Variants in THSD7B observed in about 807,000 individuals in gnomAD.
The protein encoded by THSD7B is thrombospondin type-1 domain-containing protein 7B.
Under a neutral mutation model 213.6 loss-of-function variants are expected in THSD7B, and 138 were observed. That is an observed-to-expected ratio of 0.65 (90% CI 0.56 to 0.74). The LOEUF (loss-of-function observed/expected upper bound fraction) is 0.74. THSD7B is among the 30% of genes least tolerant of loss of function. The pLI is 0.00. For synonymous variants in THSD7B, 742 were observed against 687.0 expected, an observed-to-expected ratio of 1.08 and a Z score of -1.25; for missense variants, 1,931 against 1,991.5, an observed-to-expected ratio of 0.97 and a Z score of 0.58.
chr2:137,170,655 A>G (rs1428406974), intron 6 of THSD7B, 86 bp from the exon 7 acceptor site: 61 of 1,378,314 alleles, frequency 4.4e-5, no homozygotes, highest in Non-Finnish European at 5.9e-5. Flanking sequence ...ACTTGAATAA[A>G]ACTTTTCATC....
In THSD7B at chr2:137,166,831, AGTT is replaced by A. The variant is rs780404430; in HGVS notation, c.1526-3906_1526-3904del. ...TCATAGATAGGAAATGCTAAGAGAT[AGTT>A]GTTTCTTTTTTCTGTGTCTATGTGT... is the stretch of plus-strand genomic sequence containing the variant. On this transcript the variant is annotated intron_variant, in intron 6 of 27. Coordinates refer to ENST00000409968, the MANE Select transcript of THSD7B (RefSeq NM_001316349.2). Among the ~76,000 whole-genome samples the A allele has an allele frequency of 3.9e-5, 6 of 152,238 alleles. No individual in the cohort carries two copies. In the East Asian group the frequency reaches 7.7e-4, roughly 20 times the overall value.
chr2:137,218,244 C>CT (rs1167641095), intron 7 of THSD7B, among the ~76,000 whole-genome samples: 2 of 152,020 alleles, frequency 1.3e-5, no homozygotes, highest in African/African-American at 2.4e-5. Context: ...TATTCTTCAT[C>CT]TTTTTTTACT....
In THSD7B at chr2:137,038,607, A is replaced by G. The variant is rs999219184; in HGVS notation, c.140-17813A>G. Among the ~76,000 whole-genome samples, 7 of 152,320 alleles carry G rather than the reference A, an allele frequency of 4.6e-5. No individual in the cohort carries two copies. The East Asian group carries it at 1.3e-3, about 29-fold the overall frequency. On this transcript the variant is annotated intron_variant, in intron 2 of 27. Coordinates refer to ENST00000409968, the MANE Select transcript of THSD7B (RefSeq NM_001316349.2). ...TTTCTAAGTTGTGTTTCTGTGGGGA[A>G]GATAAGATTAATCATTTTTTAAGGA...
chr2:137,160,515 G>A, intron 6 of THSD7B, 147 bp downstream of exon 6: 2 of 1,061,090 alleles, frequency 1.9e-6, no homozygotes, highest in Non-Finnish European at 2.6e-6. Context: ...TTCAGTTTTA[G>A]GGAGGCAACT....
chr2:136,818,433 A>G (rs1374047880), intron 1 of THSD7B, among the ~76,000 whole-genome samples: 1 of 150,798 alleles, frequency 6.6e-6, no homozygotes, highest in African/African-American at 2.4e-5. Context: ...GCATTGGGAG[A>G]TATACCTAAT....
chr2:137,117,104 C>T (rs10221604), intron 5 of THSD7B, among the ~76,000 whole-genome samples: 1 of 152,154 alleles, frequency 6.6e-6, no homozygotes, highest in Non-Finnish European at 1.5e-5. Flanking sequence ...TAACACAGCA[C>T]AGCTGCCATA....
intron 1 of THSD7B, among the ~76,000 whole-genome samples, chr2:136,818,464 G>A (rs972708031): frequency 6.6e-6 from 1 of 151,290 alleles, no homozygotes; most frequent in African/African-American, 2.4e-5. Flanking sequence ...GAGTTAGTGG[G>A]TGCAGTGCAC....
At chr2:137,530,815 T>C (rs891642072) in intron 15 of THSD7B, among the ~76,000 whole-genome samples, 6 of 151,990 alleles carry the variant, frequency 3.9e-5, no homozygotes, top group African/African-American at 1.4e-4. Flanking sequence ...TTACTAGAAT[T>C]GTGATAAGTG....
chr2:137,091,429 C>T (rs1687946618), intron 3 of THSD7B, among the ~76,000 whole-genome samples: 1 of 152,238 alleles, frequency 6.6e-6, no homozygotes, highest in South Asian at 2.1e-4. Flanking sequence ...TTTTACATTT[C>T]TGCATTAGTT....
chr2:137,638,907 A>G (rs529898983), intron 20 of THSD7B, among the ~76,000 whole-genome samples: 5 of 152,192 alleles, frequency 3.3e-5, no homozygotes, highest in Non-Finnish European at 5.9e-5. Context: ...AGCATTCAAG[A>G]TGTGACTTGG....
chr2:136,803,250 A>G (rs2104923842), intron 1 of THSD7B, among the ~76,000 whole-genome samples: 1 of 152,280 alleles, frequency 6.6e-6, no homozygotes, highest in African/African-American at 2.4e-5. Context: ...AACACTAAAC[A>G]TCATGAAAAG....
chr2:137,090,910 G>A (rs1217545894), intron 3 of THSD7B, among the ~76,000 whole-genome samples: 1 of 152,104 alleles, frequency 6.6e-6, no homozygotes, highest in Non-Finnish European at 1.5e-5. Flanking sequence ...AATATATCGT[G>A]ATGCAAAGTG....
At chr2:137,495,991 A>G (rs936114570) in intron 15 of THSD7B, among the ~76,000 whole-genome samples, 6 of 143,328 alleles carry the variant, frequency 4.2e-5, no homozygotes, top group African/African-American at 1.3e-4. Context: ...TTTCTAGTGA[A>G]TCACATCTCA....
At chr2:136,828,974 A>G (rs1232629860) in intron 1 of THSD7B, among the ~76,000 whole-genome samples, 1 of 152,194 alleles carries the variant, frequency 6.6e-6, no homozygotes, top group African/African-American at 2.4e-5. Context: ...TAATTGCTGA[A>G]TTAGCAAAAT....
rs988764479 is a variant in THSD7B, at chr2:137,217,929, G to GA, written c.1724-13109dup. On this transcript the variant is annotated intron_variant, in intron 7 of 27. Coordinates refer to ENST00000409968, the MANE Select transcript of THSD7B (RefSeq NM_001316349.2). Reference sequence around the variant, plus strand: ...TTTCCCTCCATTTGTTATGTCTCAGGAAAAAATGCATGTGTACAAATAACC... The same window carrying GA: ...TTTCCCTCCATTTGTTATGTCTCAGGAAAAAAATGCATGTGTACAAATAACC... Among the ~76,000 whole-genome samples the GA allele has an allele frequency of 7.2e-5, 11 of 152,088 alleles. No individual in the cohort carries two copies. The East Asian group carries it at 1.5e-3, about 21-fold the overall frequency.
intron 1 of THSD7B, among the ~76,000 whole-genome samples, chr2:136,773,043 G>A (rs1425550079): frequency 6.6e-6 from 1 of 152,058 alleles, no homozygotes; most frequent in African/African-American, 2.4e-5. Context: ...ACTCATTCCA[G>A]GAATGAGCTT....
At chr2:137,454,506 A>G (rs1687723758) in intron 15 of THSD7B, among the ~76,000 whole-genome samples, 1 of 151,796 alleles carries the variant, frequency 6.6e-6, no homozygotes, top group East Asian at 1.9e-4. Context: ...ATGTTTGTGG[A>G]AAGATCTCTG....
chr2:137,620,416 A>T (rs1266842179), intron 19 of THSD7B, among the ~76,000 whole-genome samples, 193 bp from the exon 20 acceptor site: 1 of 152,166 alleles, frequency 6.6e-6, no homozygotes, highest in Non-Finnish European at 1.5e-5. Flanking sequence ...TGGCTGACAA[A>T]TTTTTATTTG....
At chr2:137,197,122 T>C (rs1445671083) in intron 7 of THSD7B, among the ~76,000 whole-genome samples, 8 of 152,204 alleles carry the variant, frequency 5.3e-5, no homozygotes, top group Non-Finnish European at 1.2e-4. Context: ...TCATGAAATA[T>C]ACAGAGTGAC....
Sources: gnomAD v4.1 joint callset for allele counts (sites outside exome capture counted in the v4.1 genomes callset) on GRCh38, gnomAD v4.1.1 for gene constraint, MANE v1.5 for transcripts, NCBI Gene and HGNC (gene_info 2026-07-23, HGNC 2026-07-21) for gene names.